ARB2A: variants seen among roughly 807,000 people sequenced by gnomAD.
The protein encoded by ARB2A is ARB2 cotranscriptional regulator A.
the ARB2A span, among the ~76,000 whole-genome samples, chr5:93,764,813 G>A: frequency 6.6e-6 from 1 of 152,174 alleles, no homozygotes; most frequent in African/African-American, 2.4e-5. Flanking sequence ...CTGGCAAAAT[G>A]AATCCAGCAG....
chr5:93,653,511 C>CAATAAAAAAAAAA, the ARB2A span, among the ~76,000 whole-genome samples: 1 of 31,400 alleles, frequency 3.2e-5, no homozygotes, highest in Non-Finnish European at 5.7e-5. Context: ...GACTCCGTCT[C>CAATAAAAAAAAAA]AAAAAAAAAA....
At chr5:93,679,354 T>C in the ARB2A span, among the ~76,000 whole-genome samples, 1 of 152,156 alleles carries the variant, frequency 6.6e-6, no homozygotes, top group Admixed American at 6.5e-5. Flanking sequence ...CACATAATTT[T>C]AAATCTTCAA....
chr5:94,053,209 T>A, the ARB2A span: 1 of 1,571,398 alleles, frequency 6.4e-7, no homozygotes, highest in South Asian at 1.1e-5. Flanking sequence ...TTCATCCAAA[T>A]CTATCCTAGA....
the ARB2A span, among the ~76,000 whole-genome samples, chr5:93,802,945 C>T: frequency 5.3e-5 from 8 of 152,018 alleles, no homozygotes; most frequent in Non-Finnish European, 1.2e-4. Context: ...AACAGTATTT[C>T]GCTAACATCC....
At chr5:93,945,414 C>G in the ARB2A span, among the ~76,000 whole-genome samples, 1 of 59,960 alleles carries the variant, frequency 1.7e-5, no homozygotes, top group Non-Finnish European at 3.5e-5. Flanking sequence ...GATTCCATCT[C>G]AAAAAAAAAA....
chr5:93,652,563 A>C, the ARB2A span, among the ~76,000 whole-genome samples: 1 of 152,222 alleles, frequency 6.6e-6, no homozygotes, highest in African/African-American at 2.4e-5. Flanking sequence ...ACAATTTTAC[A>C]TATAGTTCAT....
the ARB2A span, among the ~76,000 whole-genome samples, chr5:93,726,672 CT>C: frequency 6.6e-6 from 1 of 151,828 alleles, no homozygotes; most frequent in Non-Finnish European, 1.5e-5. Flanking sequence ...AATACTTTTT[CT>C]TTTTTGGTAA....
the ARB2A span, among the ~76,000 whole-genome samples, chr5:93,817,679 G>A: frequency 6.6e-6 from 1 of 152,114 alleles, no homozygotes; most frequent in African/African-American, 2.4e-5. Flanking sequence ...TATAGTCTAT[G>A]GATTTTGACA....
At chr5:93,618,697 C>A in the ARB2A span, 1 of 152,214 alleles carries the variant, frequency 6.6e-6, no homozygotes, top group African/African-American at 2.4e-5. Flanking sequence ...TGGGCTGCTA[C>A]AGCTCAGATT....
the ARB2A span, chr5:94,053,073 A>G: frequency 3.7e-6 from 2 of 544,566 alleles, no homozygotes; most frequent in Non-Finnish European, 5.4e-6. Context: ...TGCATATACT[A>G]TAGATAGATA....
At chr5:93,728,805 GACA>G in the ARB2A span, among the ~76,000 whole-genome samples, 1 of 152,036 alleles carries the variant, frequency 6.6e-6, no homozygotes, top group Non-Finnish European at 1.5e-5. Context: ...TGTCTTGAAT[GACA>G]ACAACAACAT....
the ARB2A span, among the ~76,000 whole-genome samples, chr5:93,878,476 A>G: frequency 6.6e-6 from 1 of 152,048 alleles, no homozygotes; most frequent in Admixed American, 6.6e-5. Context: ...GTTGCAATGG[A>G]AAGTGGCAGA....
chr5:93,907,706 T>C, the ARB2A span, among the ~76,000 whole-genome samples: 3 of 151,424 alleles, frequency 2.0e-5, no homozygotes, highest in African/African-American at 7.3e-5. Flanking sequence ...TTTTAAAAAT[T>C]CTCTTTTCAT....
the ARB2A span, among the ~76,000 whole-genome samples, chr5:94,027,839 A>G: frequency 6.6e-6 from 1 of 152,204 alleles, no homozygotes; most frequent in East Asian, 1.9e-4. Flanking sequence ...GATGTCCCAG[A>G]GCCTGGACTT....
At chr5:94,001,164 T>C in the ARB2A span, among the ~76,000 whole-genome samples, 10 of 152,082 alleles carry the variant, frequency 6.6e-5, no homozygotes, top group Admixed American at 6.6e-4. Flanking sequence ...TTAGAATCAG[T>C]TTATTAATAT....
chr5:93,679,255 G>T, the ARB2A span, among the ~76,000 whole-genome samples: 1 of 151,738 alleles, frequency 6.6e-6, no homozygotes, highest in Non-Finnish European at 1.5e-5. Flanking sequence ...GTGAGATGCT[G>T]CTGCAGGAGA....
the ARB2A span, among the ~76,000 whole-genome samples, chr5:93,980,506 G>A: frequency 6.6e-5 from 10 of 152,138 alleles, no homozygotes; most frequent in Admixed American, 6.5e-4. Flanking sequence ...ACAATTCACA[G>A]ATAATGTTTC....
chr5:93,898,730 G>C, the ARB2A span, among the ~76,000 whole-genome samples: 1 of 152,038 alleles, frequency 6.6e-6, no homozygotes, highest in Non-Finnish European at 1.5e-5. Context: ...CTTAAGGCAG[G>C]TCTGAAAGCC....
the ARB2A span, among the ~76,000 whole-genome samples, chr5:93,933,033 C>A: frequency 6.6e-6 from 1 of 152,212 alleles, no homozygotes; most frequent in South Asian, 2.1e-4. Flanking sequence ...TTTATGCGGA[C>A]AACAAACATA....
Sources: allele counts gnomAD v4.1 joint callset (sites outside exome capture counted in the v4.1 genomes callset), GRCh38; gene constraint gnomAD v4.1.1; transcripts MANE v1.5; gene names NCBI Gene and HGNC (gene_info 2026-07-23, HGNC 2026-07-21).